Variants in SLC13A3 observed in about 807,000 individuals in gnomAD.
The protein encoded by SLC13A3 is solute carrier family 13 member 3, also known as Na(+)/dicarboxylate cotransporter 3.
Under a neutral mutation model 59.0 loss-of-function variants are expected in SLC13A3, and 40 were observed. The observed-to-expected ratio is 0.68, with a 90% CI of 0.53 to 0.88. The LOEUF is 0.88. Among genes scored for constraint, SLC13A3 ranks in the 40% least tolerant of loss-of-function variants. The pLI, the probability that SLC13A3 is intolerant of heterozygous loss-of-function variation, is 0.00. For synonymous variants in SLC13A3, 317 were observed against 330.3 expected, an observed-to-expected ratio of 0.96 and a Z score of 0.44; for missense variants, 699 against 783.2, an observed-to-expected ratio of 0.89 and a Z score of 1.28.
At chr20:46,667,608 T>A (rs532732026) in intron 1 of SLC13A3, among the ~76,000 whole-genome samples, 1 of 152,346 alleles carries the variant, frequency 6.6e-6, no homozygotes, top group South Asian at 2.1e-4. Flanking sequence ...ATGCATTACT[T>A]GTGTGAGTCT....
At chr20:46,676,586 T>C (rs1213043522) in intron 1 of SLC13A3, among the ~76,000 whole-genome samples, 2 of 151,984 alleles carry the variant, frequency 1.3e-5, no homozygotes, top group Non-Finnish European at 2.9e-5. Flanking sequence ...TTTTCTTTAG[T>C]TTGTTTAATT....
chr20:46,571,824 A>G (rs1477851510), intron 10 of SLC13A3, among the ~76,000 whole-genome samples: 1 of 152,108 alleles, frequency 6.6e-6, no homozygotes, highest in African/African-American at 2.4e-5. Flanking sequence ...CTGAAGAGTG[A>G]GGACTCAGAG....
At chr20:46,579,486 C>T (rs1332590889) in intron 9 of SLC13A3, among the ~76,000 whole-genome samples, 1 of 152,180 alleles carries the variant, frequency 6.6e-6, no homozygotes, top group African/African-American at 2.4e-5. Flanking sequence ...TGGAAACTTA[C>T]TGACCAAAAT....
intron 1 of SLC13A3, among the ~76,000 whole-genome samples, chr20:46,626,127 C>A (rs1476647653): frequency 3.4e-5 from 5 of 148,520 alleles, no homozygotes; most frequent in Non-Finnish European, 7.4e-5. Context: ...CTCTCTGTCT[C>A]TCTCTCTCTC....
chr20:46,669,822 G>A (rs1490204217), intron 1 of SLC13A3, among the ~76,000 whole-genome samples: 1 of 152,180 alleles, frequency 6.6e-6, no homozygotes, highest in Non-Finnish European at 1.5e-5. Flanking sequence ...GTTAGACTTA[G>A]AATTTTTCAA....
At chr20:46,652,947 T>G (rs2062962449), upstream of SLC13A3, among the ~76,000 whole-genome samples, 1 of 152,254 alleles carries the variant, frequency 6.6e-6, no homozygotes, top group African/African-American at 2.4e-5. Flanking sequence ...TTAACCATTC[T>G]GACAGGGACA....
At chr20:46,594,344 A>G (rs1191964344) in intron 5 of SLC13A3, among the ~76,000 whole-genome samples, 3 of 152,178 alleles carry the variant, frequency 2.0e-5, no homozygotes, top group East Asian at 3.8e-4. Context: ...ATTTCATTTC[A>G]GGTTGGAACA....
chr20:46,587,885 C>A (rs1241107329), intron 8 of SLC13A3, among the ~76,000 whole-genome samples, 174 bp downstream of exon 8: 1 of 152,158 alleles, frequency 6.6e-6, no homozygotes, highest in African/African-American at 2.4e-5. Context: ...ATTTTATCAC[C>A]CAAACCTAAA....
intron 6 of SLC13A3, among the ~76,000 whole-genome samples, chr20:46,590,245 T>C (rs2062239862): frequency 6.6e-6 from 1 of 151,960 alleles, no homozygotes; most frequent in South Asian, 2.1e-4. Flanking sequence ...GAAGAAAACA[T>C]ATGATTATTC....
chr20:46,683,130 C>T (rs2063161428), intron 1 of SLC13A3, among the ~76,000 whole-genome samples: 1 of 152,140 alleles, frequency 6.6e-6, no homozygotes, highest in African/African-American at 2.4e-5. Flanking sequence ...GCGGCTACCC[C>T]CACTGCTACT....
chr20:46,583,563 C>A lies in SLC13A3; in HGVS notation c.1219+9G>T. 1.2e-6 allele frequency: 2 copies of A among 1,613,604 alleles called. No individual in the cohort carries two copies. The highest frequency in any genetic ancestry group is 1.3e-5 in the African/African-American group (1 of 74,920). The stretch of plus-strand genomic sequence containing the variant: ...GAGCCCACCGAGACCCCAGCCTTGA[C>A]CACCTTACCTTTGAAGTCAAACCAC... On this transcript the variant is annotated intron_variant, in intron 9 of 12. Coordinates refer to ENST00000279027, the MANE Select transcript of SLC13A3 (RefSeq NM_022829.6).
At chr20:46,590,191 C>T (rs1314343291) in intron 6 of SLC13A3, among the ~76,000 whole-genome samples, 1 of 151,554 alleles carries the variant, frequency 6.6e-6, no homozygotes, top group Admixed American at 6.6e-5. Flanking sequence ...GGATGAACTC[C>T]AAATAGATTA....
chr20:46,606,767 T>G (rs1411135342), intron 3 of SLC13A3, among the ~76,000 whole-genome samples: 1 of 152,246 alleles, frequency 6.6e-6, no homozygotes, highest in Non-Finnish European at 1.5e-5. Context: ...CTATCATGGC[T>G]GTGAGCTTCA....
intron 1 of SLC13A3, among the ~76,000 whole-genome samples, chr20:46,628,001 G>A (rs1022035827): frequency 6.6e-6 from 1 of 152,158 alleles, no homozygotes. Flanking sequence ...GTGGATCCAT[G>A]ATTTTACTCC....
upstream of SLC13A3, chr20:46,651,596 C>T (rs367909911): frequency 1.3e-5 from 17 of 1,261,482 alleles, no homozygotes; most frequent in East Asian, 4.5e-4. Context: ...GTGAAAGAGG[C>T]CCGGGAACGT....
chr20:46,585,117 T>C, intron 8 of SLC13A3: 1 of 982,202 alleles, frequency 1.0e-6, no homozygotes. Flanking sequence ...AAGAATAAAT[T>C]TGTGACCTGA....
chr20:46,654,739 C>G (rs926660185), upstream of SLC13A3, among the ~76,000 whole-genome samples: 1 of 152,124 alleles, frequency 6.6e-6, no homozygotes, highest in African/African-American at 2.4e-5. Context: ...CCATGTTGGC[C>G]AGGCTGGTCT....
Position 46,596,204 on chromosome 20 carries a change from T to G in SLC13A3, c.747A>C (p.Thr249=), listed in dbSNP as rs768596539. 1 of 1,613,970 alleles carries G rather than the reference T, an allele frequency of 6.2e-7. No homozygotes were observed. The highest frequency in any genetic ancestry group is 8.5e-7 in the Non-Finnish European group (1 of 1,180,016). ...PYSASIGGTA[T]LTGTAPNLIL... is the part of the protein sequence containing the mutation. ...TGAGGTTAGGGGCTGTGCCCGTGAG[T>G]GTGGCTGTGCCCCCAATACTGGCTG... The change falls in exon 5 of 13, where the codon ACA becomes ACC. Residue 249 remains threonine, a synonymous_variant. Transcript: ENST00000279027.
At chr20:46,625,823 T>A (rs2062662568) in intron 1 of SLC13A3, among the ~76,000 whole-genome samples, 1 of 152,238 alleles carries the variant, frequency 6.6e-6, no homozygotes, top group Non-Finnish European at 1.5e-5. Flanking sequence ...TCCACGCAGT[T>A]GTGTGTATCA....
Sources: gnomAD v4.1 joint callset for allele counts (sites outside exome capture counted in the v4.1 genomes callset) on GRCh38, gnomAD v4.1.1 for gene constraint, MANE v1.5 for transcripts, NCBI Gene and HGNC (gene_info 2026-07-23, HGNC 2026-07-21) for gene names.